COL14A1: variants seen among roughly 807,000 people sequenced by gnomAD.
COL14A1 encodes the protein collagen alpha-1(XIV) chain.
In COL14A1, 136 loss-of-function variants were observed where a neutral mutation model predicts 230.3. That is an observed-to-expected ratio of 0.59 (90% CI 0.51 to 0.68). The LOEUF is 0.68. Among genes scored for constraint, COL14A1 ranks in the 30% least tolerant of loss-of-function variants. The pLI, the probability that COL14A1 is intolerant of heterozygous loss-of-function variation, is 0.00. For synonymous variants in COL14A1, 792 were observed against 784.1 expected (o/e 1.01, Z -0.17); for missense variants, 1,976 against 2,215.8 (o/e 0.89, Z 2.17).
chr8:120,176,339 G>C (rs1472703883), intron 5 of COL14A1, among the ~76,000 whole-genome samples: 1 of 152,118 alleles, frequency 6.6e-6, no homozygotes, highest in East Asian at 1.9e-4. Flanking sequence ...TGTGCTCAAT[G>C]CCTTCTCTTG....
rs536434367 is a variant in COL14A1, at chr8:120,194,003, G to A, written c.437-2788G>A. Among the ~76,000 whole-genome samples, 510 of 152,254 alleles carry A rather than the reference G, an allele frequency of 3.3e-3. 8 individuals are homozygous for A. Among genetic ancestry groups the A allele is most frequent in the Non-Finnish European group, 2.0e-3 (139 of 68,010 alleles). ...AACTCCCTGACCCCTTGCGCTTCCCGGGTGAGGCAATGCCTCGCCCTGCTT... is the reference window on the plus strand; with the variant it reads ...AACTCCCTGACCCCTTGCGCTTCCCAGGTGAGGCAATGCCTCGCCCTGCTT... On this transcript the variant is annotated intron_variant, in intron 5 of 47. Transcript: ENST00000297848.
chr8:120,313,233 G>A (rs1821102724), intron 37 of COL14A1, among the ~76,000 whole-genome samples: 1 of 152,126 alleles, frequency 6.6e-6, no homozygotes, highest in Non-Finnish European at 1.5e-5. Context: ...GGTGGTGCAT[G>A]CCTGTAATCC....
At chr8:120,181,039 A>C (rs1013378642) in intron 5 of COL14A1, among the ~76,000 whole-genome samples, 10 of 152,136 alleles carry the variant, frequency 6.6e-5, no homozygotes, top group African/African-American at 2.4e-4. Flanking sequence ...AGTTTCAGAA[A>C]ACATCTCAAG....
At position 120,176,030 on chromosome 8, in the gene COL14A1, C is replaced by G. The variant is rs182963820; in HGVS notation, c.436+7783C>G. 3.4e-4 allele frequency among the ~76,000 whole-genome samples: 52 copies of G among 152,184 alleles called. No individual in the cohort carries two copies. The East Asian group carries it at 8.1e-3, about 24-fold the overall frequency. On this transcript the variant is annotated intron_variant, in intron 5 of 47. Coordinates refer to ENST00000297848, the MANE Select transcript of COL14A1 (RefSeq NM_021110.4). ...GATTGAGTTAAAATGTGTAAAATAC[C>G]TAGTATATAGTAAGTGCCACATATT...
Position 120,269,140 on chromosome 8 carries a change from A to C in COL14A1, c.3074-895A>C, listed in dbSNP as rs922557683. 2.0e-5 allele frequency among the ~76,000 whole-genome samples: 3 copies of C among 151,876 alleles called. No homozygotes were observed. The South Asian group carries it at 6.2e-4, about 31-fold the overall frequency. ...AGGAGAAAGGCACATTATCTCATAGAATATTTATGTGCAATTGGCCTAAGA... is the reference window on the plus strand; with the variant it reads ...AGGAGAAAGGCACATTATCTCATAGCATATTTATGTGCAATTGGCCTAAGA... On this transcript the variant is annotated intron_variant, in intron 25 of 47. Transcript: ENST00000297848.
intron 1 of COL14A1, among the ~76,000 whole-genome samples, chr8:120,133,212 T>C (rs1355233156): frequency 7.0e-6 from 1 of 142,346 alleles, no homozygotes; most frequent in African/African-American, 2.6e-5. Context: ...CGAAACTCCG[T>C]CTCAAACAAA....
chr8:120,336,239 A>G (rs1822067701), intron 42 of COL14A1, among the ~76,000 whole-genome samples: 1 of 152,276 alleles, frequency 6.6e-6, no homozygotes, highest in East Asian at 1.9e-4. Context: ...AATTGCTCTG[A>G]AAGCTCCATT....
chr8:120,168,329 G>A, intron 5 of COL14A1, 82 bp downstream of exon 5: 1 of 993,254 alleles, frequency 1.0e-6, no homozygotes, highest in Non-Finnish European at 1.5e-6. Context: ...GGGGTTGCTG[G>A]TCCCATCTAA....
At chr8:120,155,602 C>A (rs936839371) in intron 2 of COL14A1, among the ~76,000 whole-genome samples, 2 of 152,138 alleles carry the variant, frequency 1.3e-5, no homozygotes, top group Admixed American at 1.3e-4. Flanking sequence ...AGATTGAAGC[C>A]TCCATCCTAT....
intron 1 of COL14A1, among the ~76,000 whole-genome samples, chr8:120,145,160 T>G (rs1282687802): frequency 6.6e-6 from 1 of 152,212 alleles, no homozygotes; most frequent in Non-Finnish European, 1.5e-5. Flanking sequence ...AAAATCTGAT[T>G]AAGATGCTAA....
chr8:120,154,266 T>C (rs921199343), intron 2 of COL14A1, among the ~76,000 whole-genome samples: 1 of 152,118 alleles, frequency 6.6e-6, no homozygotes, highest in Non-Finnish European at 1.5e-5. Context: ...GTCAACTCTT[T>C]AATGAGTAGA....
At chr8:120,193,699 C>T (rs900276896) in intron 5 of COL14A1, among the ~76,000 whole-genome samples, 29 of 152,210 alleles carry the variant, frequency 1.9e-4, no homozygotes, top group Non-Finnish European at 2.8e-4. Context: ...TAGTGGGCTC[C>T]ACCCAGTTTG....
At position 120,212,580 on chromosome 8, in the gene COL14A1, G is replaced by A. The variant is rs773539035; in HGVS notation, c.1597+3G>A. ...TGTTACGGGACAAGAAACAACATGT[G>A]AGCAGCACAGCCATTCAGTTGGGAT... is the stretch of plus-strand genomic sequence containing the variant. On this transcript the variant is annotated splice_donor_region_variant and intron_variant, in intron 13 of 47. Transcript: ENST00000297848. 2 of 1,613,176 alleles carry A rather than the reference G, an allele frequency of 1.2e-6. No individual in the cohort carries two copies. Among genetic ancestry groups the A allele is most frequent in the Non-Finnish European group, 1.7e-6 (2 of 1,179,342 alleles).
At chr8:120,195,293 G>A (rs1386537396) in intron 5 of COL14A1, among the ~76,000 whole-genome samples, 1 of 151,936 alleles carries the variant, frequency 6.6e-6, no homozygotes, top group South Asian at 2.1e-4. Context: ...GAATACTTCT[G>A]TATTTTGGTT....
intron 2 of COL14A1, 57 bp downstream of exon 2, chr8:120,147,987 A>T: frequency 8.2e-7 from 1 of 1,225,668 alleles, no homozygotes; most frequent in Non-Finnish European, 1.2e-6. Context: ...CTTGTTTCTG[A>T]TTATCATTTT....
chr8:120,289,810 G>A, intron 34 of COL14A1, 44 bp downstream of exon 34: 1 of 1,561,048 alleles, frequency 6.4e-7, no homozygotes, highest in Non-Finnish European at 8.7e-7. Flanking sequence ...TTAAGGGAGA[G>A]AAATTATTTT....
chr8:120,370,457 C>A, intron 47 of COL14A1: 2 of 1,560,880 alleles, frequency 1.3e-6, no homozygotes, highest in Non-Finnish European at 1.7e-6. Context: ...CCACCAAGCC[C>A]CTGCCCCTAA....
intron 37 of COL14A1, among the ~76,000 whole-genome samples, chr8:120,313,525 T>G (rs1291812566): frequency 6.6e-6 from 1 of 151,978 alleles, no homozygotes; most frequent in Non-Finnish European, 1.5e-5. Context: ...CCGAGGTAGG[T>G]GGTTGACAGT....
intron 1 of COL14A1, among the ~76,000 whole-genome samples, chr8:120,137,045 A>C (rs1268877710): frequency 3.4e-5 from 5 of 146,146 alleles, no homozygotes; most frequent in Non-Finnish European, 7.5e-5. Flanking sequence ...TTGGTATTAT[A>C]TTTTCCTTAA....
Sources: gnomAD v4.1 joint callset for allele counts (sites outside exome capture counted in the v4.1 genomes callset) on GRCh38, gnomAD v4.1.1 for gene constraint, MANE v1.5 for transcripts, NCBI Gene and HGNC (gene_info 2026-07-23, HGNC 2026-07-21) for gene names.